FOCAD: variants seen among roughly 807,000 people sequenced by gnomAD.
FOCAD encodes the protein KIAA1797.
A neutral mutation model predicts 225.6 loss-of-function variants in FOCAD; 198 were observed. The ratio of observed to expected loss-of-function variants is 0.88; its 90% CI spans 0.78 to 0.99. The LOEUF (loss-of-function observed/expected upper bound fraction) is 0.99, where lower values mean the gene tolerates loss of function less well. Among genes scored for constraint, FOCAD ranks in the 50% least tolerant of loss-of-function variants. FOCAD has a pLI of 0.00. For synonymous variants in FOCAD, 897 were observed against 755.0 expected (o/e 1.19, Z -3.08); for missense variants, 2,713 against 2,123.6 (o/e 1.28, Z -5.46).
chr9:20,933,298 C>T (rs993842798), intron 28 of FOCAD, among the ~76,000 whole-genome samples, 195 bp downstream of exon 28: 1 of 152,148 alleles, frequency 6.6e-6, no homozygotes, highest in African/African-American at 2.4e-5. Context: ...CCCCATCACC[C>T]AAGCAGTATA....
chr9:20,790,630 G>T (rs1820425790), intron 11 of FOCAD, among the ~76,000 whole-genome samples: 1 of 152,130 alleles, frequency 6.6e-6, no homozygotes, highest in African/African-American at 2.4e-5. Flanking sequence ...AATTAGTCGG[G>T]TGCAGTGACA....
intron 24 of FOCAD, 37 bp downstream of exon 24, chr9:20,916,974 T>C (rs760631358): frequency 6.5e-7 from 1 of 1,542,196 alleles, no homozygotes; most frequent in Non-Finnish European, 8.8e-7. Context: ...ACATTTTTTA[T>C]AAATACCTTT....
chr9:20,670,614 A>G (rs546832030), intron 2 of FOCAD, among the ~76,000 whole-genome samples: 2 of 152,212 alleles, frequency 1.3e-5, no homozygotes, highest in Middle Eastern at 3.4e-3. Flanking sequence ...TCATAATCCA[A>G]TCACTTCCCA....
intron 21 of FOCAD, among the ~76,000 whole-genome samples, chr9:20,889,855 T>G (rs1281416301): frequency 6.6e-6 from 1 of 152,206 alleles, no homozygotes; most frequent in Non-Finnish European, 1.5e-5. Flanking sequence ...TAATAGAGTA[T>G]CTAGACCCAT....
At chr9:20,982,630 A>G (rs1386148678) in intron 39 of FOCAD, among the ~76,000 whole-genome samples, 184 bp downstream of exon 39, 4 of 152,216 alleles carry the variant, frequency 2.6e-5, no homozygotes, top group African/African-American at 7.2e-5. Flanking sequence ...TTGGTGCTTA[A>G]CAAATGTTGT....
chr9:20,906,033 G>T (rs1832942407), intron 21 of FOCAD, among the ~76,000 whole-genome samples: 3 of 149,052 alleles, frequency 2.0e-5, no homozygotes, highest in Middle Eastern at 3.4e-3. Context: ...CTTCCTATTT[G>T]TGTCCATTTC....
chr9:20,686,620 C>G (rs1210792684), intron 1 of FOCAD, among the ~76,000 whole-genome samples: 1 of 152,034 alleles, frequency 6.6e-6, no homozygotes, highest in East Asian at 1.9e-4. Flanking sequence ...TGATGTATAA[C>G]AAAGAACTTG....
chr9:20,877,909 AAAAC>A lies in FOCAD; in HGVS notation c.2317+3118_2317+3121del, dbSNP rs1055485309. ...GGCAACAGAGAGACTCCATCTCAAA[AAAAC>A]AAACAAACAAACAAAAACCCCAACG... On this transcript the variant is annotated intron_variant, in intron 19 of 43. Coordinates refer to ENST00000338382, the MANE Select transcript of FOCAD (RefSeq NM_001375567.1). Among the ~76,000 whole-genome samples the A allele has an allele frequency of 4.1e-5, 6 of 147,812 alleles. No individual in the cohort carries two copies. In the South Asian group the frequency reaches 8.3e-4, roughly 20 times the overall value.
At chr9:20,931,432 G>C (rs1835460046) in intron 27 of FOCAD, among the ~76,000 whole-genome samples, 1 of 152,162 alleles carries the variant, frequency 6.6e-6, no homozygotes, top group Non-Finnish European at 1.5e-5. Flanking sequence ...TGTTGGAATT[G>C]AGGAATCTCA....
chr9:20,956,202 G>C (rs1245391204), intron 35 of FOCAD, among the ~76,000 whole-genome samples: 1 of 152,158 alleles, frequency 6.6e-6, no homozygotes, highest in Non-Finnish European at 1.5e-5. Context: ...TTGTTAAGAA[G>C]GAAATATGCC....
At chr9:20,973,743 C>G (rs1412745326) in intron 35 of FOCAD, among the ~76,000 whole-genome samples, 2 of 150,346 alleles carry the variant, frequency 1.3e-5, no homozygotes, top group African/African-American at 4.9e-5. Flanking sequence ...GCCTCTGCTT[C>G]TCCTTTTTCC....
At chr9:20,770,423 A>T (rs1273272107) in intron 8 of FOCAD, among the ~76,000 whole-genome samples, 185 bp downstream of exon 8, 1 of 152,186 alleles carries the variant, frequency 6.6e-6, no homozygotes, top group Non-Finnish European at 1.5e-5. Flanking sequence ...GTGGAAGGTG[A>T]AGCAGGAGCC....
chr9:20,915,318 T>A (rs1461974292), intron 23 of FOCAD, among the ~76,000 whole-genome samples: 2 of 152,078 alleles, frequency 1.3e-5, no homozygotes, highest in African/African-American at 2.4e-5. Context: ...GATTCTATAT[T>A]TAAAGGTGGG....
rs1413981508 is a variant in FOCAD at position 20,882,053 on chromosome 9, G to T, written c.2500G>T (p.Ala834Ser). Residue 834 changes from alanine to serine, a missense_variant, in exon 20 of 44, where the codon GCA (alanine) becomes TCA (serine). Physicochemically the swap from Ala to Ser is moderately conservative, Grantham distance 99. Coordinates refer to ENST00000338382, the MANE Select transcript of FOCAD (RefSeq NM_001375567.1). ...NKQPGLKPGL[A>S]GGMLFCYDVS... ...GCAACCAGGACTGAAACCTGGCCTT[G>T]CAGGTAAGGGTAGTACATAGTATCA... is the stretch of plus-strand genomic sequence containing the variant. 3 of 1,612,564 alleles carry T rather than the reference G, an allele frequency of 1.9e-6. No individual in the cohort carries two copies. The highest frequency in any genetic ancestry group is 2.5e-6 in the Non-Finnish European group (3 of 1,179,414).
At chr9:20,985,364 A>G (rs993333017) in intron 39 of FOCAD, among the ~76,000 whole-genome samples, 3 of 152,200 alleles carry the variant, frequency 2.0e-5, no homozygotes, top group Admixed American at 6.5e-5. Flanking sequence ...CTTTTTACAT[A>G]TTGGGAAGCT....
chr9:20,730,632 T>C (rs1826607810), intron 4 of FOCAD, among the ~76,000 whole-genome samples: 1 of 152,164 alleles, frequency 6.6e-6, no homozygotes, highest in African/African-American at 2.4e-5. Context: ...TTTTCATATA[T>C]AACAAGTGAG....
At chr9:20,852,831 G>T (rs1161955052) in intron 15 of FOCAD, among the ~76,000 whole-genome samples, 2 of 151,576 alleles carry the variant, frequency 1.3e-5, no homozygotes, top group Non-Finnish European at 3.0e-5. Context: ...CTTTTTGCTA[G>T]TAAATACTCA....
chr9:20,841,575 A>C (rs1208321350), intron 15 of FOCAD, among the ~76,000 whole-genome samples: 2 of 151,830 alleles, frequency 1.3e-5, no homozygotes, highest in Non-Finnish European at 2.9e-5. Context: ...CTCTACTGAT[A>C]CTTTGAATTT....
chr9:20,785,920 T>C (rs1819877188), intron 10 of FOCAD, among the ~76,000 whole-genome samples: 1 of 152,182 alleles, frequency 6.6e-6, no homozygotes, highest in African/African-American at 2.4e-5. Flanking sequence ...CAATTGTTGT[T>C]ATTGTTTATC....
Sources: gnomAD v4.1 joint callset for allele counts (sites outside exome capture counted in the v4.1 genomes callset) on GRCh38, gnomAD v4.1.1 for gene constraint, MANE v1.5 for transcripts, NCBI Gene and HGNC (gene_info 2026-07-23, HGNC 2026-07-21) for gene names.